IKZF2: variants seen among roughly 807,000 people sequenced by gnomAD.
The protein encoded by IKZF2 is IKAROS family zinc finger 2.
In IKZF2, 15 loss-of-function variants were observed where a neutral mutation model predicts 49.2. The ratio of observed to expected loss-of-function variants is 0.30; its 90% confidence interval spans 0.20 to 0.47. IKZF2 has a LOEUF of 0.47. IKZF2 is among the 20% of genes least tolerant of loss of function. The pLI is 1.00. For synonymous variants in IKZF2, 227 were observed against 221.4 expected (o/e 1.03, Z -0.23); for missense variants, 567 against 664.6 (o/e 0.85, Z 1.61).
At position 213,057,022 on chromosome 2, in the gene IKZF2, C is replaced by A; in HGVS notation, c.217G>T (p.Gly73Cys). The A allele has an allele frequency of 1.2e-6, 2 of 1,613,818 alleles. No individual in the cohort carries two copies. The highest frequency in any genetic ancestry group is 1.7e-6 in the Non-Finnish European group (2 of 1,179,906). Reference protein sequence around the residue: ...KPLSREDEIRGHDEGSSLEEP... With the variant: ...KPLSREDEIRCHDEGSSLEEP... ...TCTAGGCTGCTACCCTCATCATGGC[C>A]CCTGATCTCATCTTCACGGCTCAGG... Residue 73 changes from glycine (G) to cysteine (C), a missense_variant, in exon 5 of 9, where the codon GGC (glycine) becomes TGC (cysteine). Transcript: ENST00000434687.
intron 4 of IKZF2, among the ~76,000 whole-genome samples, chr2:213,061,131 C>T (rs1437217233): frequency 6.6e-6 from 1 of 151,534 alleles, no homozygotes; most frequent in Non-Finnish European, 1.5e-5. Context: ...GACACTTGCA[C>T]AGATACTCTT....
intron 4 of IKZF2, among the ~76,000 whole-genome samples, chr2:213,066,283 G>A (rs1340051335): frequency 6.6e-6 from 1 of 152,060 alleles, no homozygotes; most frequent in African/African-American, 2.4e-5. Context: ...AACAGAAAGA[G>A]ATAAGGAAGA....
At chr2:213,124,259 C>T (rs1168954352) in intron 4 of IKZF2, among the ~76,000 whole-genome samples, 2 of 44,736 alleles carry the variant, frequency 4.5e-5, no homozygotes, top group Admixed American at 1.8e-4. Flanking sequence ...CGCGCACACA[C>T]ACACACACAC....
intron 4 of IKZF2, among the ~76,000 whole-genome samples, chr2:213,064,629 C>T (rs1323727258): frequency 6.6e-6 from 1 of 152,006 alleles, no homozygotes; most frequent in Non-Finnish European, 1.5e-5. Context: ...AATAAACCTA[C>T]TTTAAATAGA....
Position 213,007,216 on chromosome 2 carries a change from C to A in IKZF2, c.*144G>T. The A allele has an allele frequency of 2.2e-6, 2 of 890,440 alleles. No homozygotes were observed. The highest frequency in any genetic ancestry group is 3.3e-6 in the Non-Finnish European group (2 of 604,418). The allele number at this position is 890,440 out of a possible 1,614,324, so 55.2% of individuals were successfully genotyped here. On this transcript the variant is annotated 3_prime_UTR_variant, in exon 9 of 9. Transcript: ENST00000434687. ...TTAGGCAGAGCAAATGACACTGCCTCCACAAAATAAGAATTATCAACAGTA... is the reference window on the plus strand; with the variant it reads ...TTAGGCAGAGCAAATGACACTGCCTACACAAAATAAGAATTATCAACAGTA...
At chr2:213,039,053 T>C (rs1699350209) in intron 6 of IKZF2, among the ~76,000 whole-genome samples, 1 of 152,078 alleles carries the variant, frequency 6.6e-6, no homozygotes, top group African/African-American at 2.4e-5. Context: ...GAAGACCATC[T>C]TGTCTTACCA....
At chr2:213,106,259 T>C (rs1263859352) in intron 4 of IKZF2, among the ~76,000 whole-genome samples, 1 of 152,070 alleles carries the variant, frequency 6.6e-6, no homozygotes, top group African/African-American at 2.4e-5. Context: ...AAGAAAATTA[T>C]GGAAAGACGG....
intron 4 of IKZF2, among the ~76,000 whole-genome samples, chr2:213,146,580 A>C (rs763940785): frequency 1.3e-5 from 2 of 151,986 alleles, no homozygotes; most frequent in Non-Finnish European, 2.9e-5. Context: ...ATTCTATATA[A>C]ATTGCTTAAA....
chr2:213,065,183 T>A (rs188649382), intron 4 of IKZF2, among the ~76,000 whole-genome samples: 5 of 152,206 alleles, frequency 3.3e-5, no homozygotes, highest in Non-Finnish European at 1.5e-5. Context: ...CCCCTATTTC[T>A]ATAAAAATTA....
intron 4 of IKZF2, among the ~76,000 whole-genome samples, chr2:213,064,303 C>G (rs184027784): frequency 6.6e-6 from 1 of 151,928 alleles, no homozygotes; most frequent in Non-Finnish European, 1.5e-5. Flanking sequence ...AGTCTTGTGT[C>G]AATTATTGAT....
chr2:213,116,972 T>TA (rs1335672189), intron 4 of IKZF2, among the ~76,000 whole-genome samples: 2 of 152,158 alleles, frequency 1.3e-5, no homozygotes, highest in East Asian at 1.9e-4. Context: ...ACCCATATTA[T>TA]AAAAAATTCA....
intron 4 of IKZF2, among the ~76,000 whole-genome samples, chr2:213,146,427 T>C (rs2061062376): frequency 6.6e-6 from 1 of 152,080 alleles, no homozygotes; most frequent in Non-Finnish European, 1.5e-5. Flanking sequence ...ACTGCTTCTA[T>C]AATTAAATTT....
intron 6 of IKZF2, among the ~76,000 whole-genome samples, chr2:213,048,261 C>T (rs1202776081): frequency 1.3e-5 from 2 of 152,100 alleles, no homozygotes; most frequent in East Asian, 1.9e-4. Flanking sequence ...TTATAAGGAC[C>T]ATGTCTTTGT....
At chr2:213,110,885 A>C (rs2059683521) in intron 4 of IKZF2, among the ~76,000 whole-genome samples, 1 of 152,018 alleles carries the variant, frequency 6.6e-6, no homozygotes, top group African/African-American at 2.4e-5. Flanking sequence ...TTTTGGGTGA[A>C]GTTAAGAAAA....
Position 213,007,160 on chromosome 2 carries a change from C to G in IKZF2, c.*200G>C. On this transcript the variant is annotated 3_prime_UTR_variant, in exon 9 of 9. Coordinates refer to ENST00000434687, the MANE Select transcript of IKZF2 (RefSeq NM_001387220.1). ...GTGATAAAGAAACAATATTCCCGCC[C>G]CTTCTCTCTTCTGTTTCTTCCTTAT... 1.9e-6 allele frequency: 1 copy of G among 535,382 alleles called. No homozygotes were observed. The highest frequency in any genetic ancestry group is 3.6e-5 in the South Asian group (1 of 27,830). 33.2% of individuals were successfully genotyped at this position (535,382 alleles called of 1,614,324 possible). A position where few individuals can be genotyped will look rare whatever the true frequency, so the allele number is the denominator to read the frequency against.
At chr2:213,061,711 A>G (rs1701710743) in intron 4 of IKZF2, among the ~76,000 whole-genome samples, 3 of 151,676 alleles carry the variant, frequency 2.0e-5, no homozygotes, top group South Asian at 2.1e-4. Flanking sequence ...TACTTTGTCA[A>G]TAATAATAGT....
chr2:213,047,635 T>C (rs1700280939), intron 6 of IKZF2, among the ~76,000 whole-genome samples: 1 of 152,118 alleles, frequency 6.6e-6, no homozygotes, highest in Non-Finnish European at 1.5e-5. Context: ...ACTCACTAGC[T>C]ATTTTGGGCA....
chr2:213,031,275 CA>C (rs1698402848), intron 6 of IKZF2, among the ~76,000 whole-genome samples: 1 of 152,224 alleles, frequency 6.6e-6, no homozygotes, highest in Admixed American at 6.5e-5. Context: ...AGACAAATGT[CA>C]TTCCTGCATC....
At chr2:213,042,136 A>ATT (rs151122052) in intron 6 of IKZF2, among the ~76,000 whole-genome samples, 3 of 150,478 alleles carry the variant, frequency 2.0e-5, no homozygotes, top group South Asian at 2.1e-4. Flanking sequence ...TAGACAGCAC[A>ATT]TTTTTTTTTT....
Sources: allele counts gnomAD v4.1 joint callset (sites outside exome capture counted in the v4.1 genomes callset), GRCh38; gene constraint gnomAD v4.1.1; transcripts MANE v1.5; gene names NCBI Gene and HGNC (gene_info 2026-07-23, HGNC 2026-07-21).